The following PCM1 variants were observed in gnomAD, a reference collection of about 807,000 sequenced individuals.
The protein encoded by PCM1 is pericentriolar material 1.
A neutral mutation model predicts 241.9 loss-of-function variants in PCM1; 157 were observed. That is an observed-to-expected ratio of 0.65 (90% CI 0.57 to 0.74). PCM1 has a LOEUF of 0.74. PCM1 is among the 30% of genes least tolerant of loss of function. The pLI, the probability that PCM1 is intolerant of heterozygous loss-of-function variation, is 0.00. For synonymous variants in PCM1, 1,085 were observed against 784.9 expected, an observed-to-expected ratio of 1.38 and a Z score of -6.39; for missense variants, 3,478 against 2,360.1, an observed-to-expected ratio of 1.47 and a Z score of -9.81.
At position 17,953,054 on chromosome 8, in the gene PCM1, T is replaced by G. The variant is rs767815201; in HGVS notation, c.1156T>G (p.Ser386Ala). The G allele has an allele frequency of 5.0e-6, 8 of 1,607,136 alleles. No homozygotes were observed. In the East Asian group the frequency reaches 1.8e-4, roughly 36 times the overall value. The change falls in exon 9 of 39, where the codon TCA becomes GCA. Residue 386 changes from serine to alanine, a missense_variant. Ser to Ala is a moderately conservative substitution (Grantham distance 99). Transcript: ENST00000325083. ...TTCCCAGAGCAGGAAACCATCAGCT[T>G]CAGAACGTTTACCTGATGAGAAAGT... Reference protein sequence around the residue: ...EVSQSRKPSASERLPDEKVEL... With the variant: ...EVSQSRKPSAAERLPDEKVEL...
chr8:18,017,373 A>C (rs2237849), intron 36 of PCM1, among the ~76,000 whole-genome samples: 70,384 of 152,126 alleles, frequency 0.46, 17,898 homozygotes, highest in Middle Eastern at 0.59. Context: ...TAAAAAACAC[A>C]AGATTGGATG....
chr8:18,027,003 A>G (rs188302874), intron 38 of PCM1, among the ~76,000 whole-genome samples: 192 of 152,316 alleles, frequency 1.3e-3, no homozygotes, highest in African/African-American at 4.3e-3. Context: ...TATGAGTCTA[A>G]TAACACAGCT....
chr8:18,003,247 A>C (rs1474901203), intron 29 of PCM1, among the ~76,000 whole-genome samples: 1 of 152,228 alleles, frequency 6.6e-6, no homozygotes, highest in Non-Finnish European at 1.5e-5. Flanking sequence ...TTAATGAATT[A>C]ATAAATGACT....
chr8:17,992,075 T>G (rs146235401), intron 28 of PCM1, among the ~76,000 whole-genome samples: 17 of 152,326 alleles, frequency 1.1e-4, no homozygotes, highest in Non-Finnish European at 1.9e-4. Flanking sequence ...GGTGTATAAA[T>G]AAATAAACAA....
chr8:17,998,213 G>C (rs2087716979), intron 29 of PCM1, among the ~76,000 whole-genome samples: 1 of 151,988 alleles, frequency 6.6e-6, no homozygotes, highest in Non-Finnish European at 1.5e-5. Flanking sequence ...TCCCTTTGTT[G>C]AGGTCGTGAT....
chr8:17,971,429 CTGTTTAACTTTGTTTTATG>C (rs2076811988), intron 22 of PCM1, among the ~76,000 whole-genome samples: 1 of 152,142 alleles, frequency 6.6e-6, no homozygotes, highest in Non-Finnish European at 1.5e-5. Flanking sequence ...TTTTACAGAC[CTGTTTAACTTTGTTTTATG>C]TGTTTTCTCC....
chr8:18,006,027 T>C lies in PCM1; in HGVS notation c.4828-236T>C, dbSNP rs969688223. 101 of 411,360 alleles carry C rather than the reference T, an allele frequency of 2.5e-4. 1 individual carries two copies. Among genetic ancestry groups the C allele is most frequent in the African/African-American group, 1.8e-3 (90 of 49,408 alleles). The allele number at this position is 411,360 out of a possible 1,614,324, so 25.5% of individuals were successfully genotyped here. ...GCTGAAAAGTACTGGATCAGCCAGT[T>C]CTTTTACTGGCCATCATCTGCTTTC... is the stretch of plus-strand genomic sequence containing the variant. On this transcript the variant is annotated intron_variant, in intron 29 of 38. Coordinates refer to ENST00000325083, the MANE Select transcript of PCM1 (RefSeq NM_006197.4).
chr8:17,927,570 G>A (rs1370553980), intron 2 of PCM1: 3 of 151,040 alleles, frequency 2.0e-5, no homozygotes, highest in African/African-American at 7.3e-5. Flanking sequence ...TCTTTTTTTT[G>A]GCGATGGAGT....
At chr8:17,957,210 CT>C in intron 11 of PCM1, 53 bp from the exon 12 acceptor site, 1 of 1,442,400 alleles carries the variant, frequency 6.9e-7, no homozygotes, top group Admixed American at 2.3e-5. Flanking sequence ...ACTTGGATTT[CT>C]TTCTCTCTTT....
At chr8:17,960,470 G>A in intron 15 of PCM1, 26 bp downstream of exon 15, 2 of 1,552,776 alleles carry the variant, frequency 1.3e-6, no homozygotes, top group Non-Finnish European at 1.7e-6. Flanking sequence ...ATTTCTAATT[G>A]TCTGAAAAAA....
chr8:17,956,869 C>G (rs931280018), intron 11 of PCM1, 92 bp downstream of exon 11: 1 of 1,001,066 alleles, frequency 1.0e-6, no homozygotes, highest in Non-Finnish European at 1.5e-6. Flanking sequence ...GTAGTATTTA[C>G]TATTTGCCTT....
chr8:17,926,166 TC>T (rs1312069957), intron 2 of PCM1: 1 of 152,178 alleles, frequency 6.6e-6, no homozygotes, highest in African/African-American at 2.4e-5. Flanking sequence ...TATAAGATTT[TC>T]CTTTTAGCAC....
rs1260916385 is a variant in PCM1, at chr8:17,964,771, T to C, written c.2855+3T>C. 3.1e-6 allele frequency: 5 copies of C among 1,605,902 alleles called. No individual in the cohort carries two copies. Among genetic ancestry groups the C allele is most frequent in the Non-Finnish European group, 4.3e-6 (5 of 1,172,696 alleles). ...AATGGAAAGGAAACTAAAAATAGGT[T>C]AGTTTCAGTATTTTAATTTTGTGCT... On this transcript the variant is annotated splice_donor_region_variant and intron_variant, in intron 18 of 38. Coordinates refer to ENST00000325083, the MANE Select transcript of PCM1 (RefSeq NM_006197.4).
chr8:18,011,284 G>A lies in PCM1; in HGVS notation c.5268G>A (p.Val1756=), dbSNP rs117200617. ...ETVKQTQTSE[V]YDGPKNVRSD... is the part of the protein sequence containing the mutation. ...TTAAGCAGACTCAAACATCTGAGGT[G>A]TATGATGGTCCCAAAAATGTAAGAT... is the stretch of plus-strand genomic sequence containing the variant. Residue 1756 remains valine (V), a synonymous_variant, in exon 33 of 39, where the codon GTG becomes GTA. Transcript: ENST00000325083. 1.9e-6 allele frequency: 3 copies of A among 1,606,814 alleles called. No individual in the cohort carries two copies. The highest frequency in any genetic ancestry group is 1.3e-5 in the African/African-American group (1 of 74,790).
At position 18,006,967 on chromosome 8, in the gene PCM1, G is replaced by C. The variant is rs941024155; in HGVS notation, c.4962+570G>C. Among the ~76,000 whole-genome samples, 3 of 152,160 alleles carry C rather than the reference G, an allele frequency of 2.0e-5. No individual in the cohort carries two copies. In the East Asian group the frequency reaches 5.8e-4, roughly 29 times the overall value. ...ACTGGCAACTAATGGGTAGAGACCAGGAAGAATCTTGATAAACATTTGACA... is the reference window on the plus strand; with the variant it reads ...ACTGGCAACTAATGGGTAGAGACCACGAAGAATCTTGATAAACATTTGACA... On this transcript the variant is annotated intron_variant, in intron 30 of 38. Transcript: ENST00000325083.
chr8:17,972,157 C>G (rs2077067942), intron 22 of PCM1, among the ~76,000 whole-genome samples, 172 bp from the exon 23 acceptor site: 1 of 152,140 alleles, frequency 6.6e-6, no homozygotes, highest in Non-Finnish European at 1.5e-5. Context: ...AATTTACTAC[C>G]TTAGCTTATG....
intron 24 of PCM1, among the ~76,000 whole-genome samples, chr8:17,983,985 G>T (rs2081803665): frequency 6.6e-6 from 1 of 152,044 alleles, no homozygotes; most frequent in African/African-American, 2.4e-5. Flanking sequence ...AAACAAGATG[G>T]AATTAGAGAA....
intron 21 of PCM1, among the ~76,000 whole-genome samples, chr8:17,969,223 A>T (rs2076066046): frequency 6.6e-6 from 1 of 152,146 alleles, no homozygotes; most frequent in African/African-American, 2.4e-5. Context: ...CACTGGTAAA[A>T]TGAATGCAGT....
intron 18 of PCM1, among the ~76,000 whole-genome samples, chr8:17,965,796 A>G (rs1451199526): frequency 6.6e-6 from 1 of 152,232 alleles, no homozygotes; most frequent in East Asian, 1.9e-4. Context: ...ATACATGAAA[A>G]AGACTGGAGA....
Sources: gnomAD v4.1 joint callset for allele counts (sites outside exome capture counted in the v4.1 genomes callset) on GRCh38, gnomAD v4.1.1 for gene constraint, MANE v1.5 for transcripts, NCBI Gene and HGNC (gene_info 2026-07-23, HGNC 2026-07-21) for gene names.